Variants in DNAH3 observed in about 807,000 individuals in gnomAD.
DNAH3 encodes the protein axonemal beta dynein heavy chain 3.
DNAH3 carries 332 observed loss-of-function variants against 432.5 expected under a neutral mutation model. The observed-to-expected ratio is 0.77, with a 90% CI of 0.70 to 0.84. The LOEUF is 0.84. Among genes scored for constraint, DNAH3 ranks in the 40% least tolerant of loss-of-function variants. The pLI is 0.00. For synonymous variants in DNAH3, 1,956 were observed against 1,900.2 expected, an observed-to-expected ratio of 1.03 and a Z score of -0.76; for missense variants, 4,861 against 5,114.0, an observed-to-expected ratio of 0.95 and a Z score of 1.51.
chr16:20,955,839 T>C (rs908293097), intron 54 of DNAH3, among the ~76,000 whole-genome samples: 2 of 152,186 alleles, frequency 1.3e-5, no homozygotes, highest in African/African-American at 4.8e-5. Context: ...GAAACTAGAA[T>C]TGATAATTTT....
chr16:21,048,305 C>T (rs1453378650), intron 31 of DNAH3, among the ~76,000 whole-genome samples: 1 of 152,250 alleles, frequency 6.6e-6, no homozygotes, highest in South Asian at 2.1e-4. Flanking sequence ...TGATCTCAGA[C>T]TGCTGTGCTA....
intron 44 of DNAH3, among the ~76,000 whole-genome samples, chr16:20,988,828 C>G (rs188363995): frequency 1.3e-3 from 190 of 151,886 alleles, no homozygotes; most frequent in South Asian, 2.7e-3. Flanking sequence ...CGAATGTGTT[C>G]GGAGTTTTTT....
intron 12 of DNAH3, among the ~76,000 whole-genome samples, chr16:21,114,088 G>A (rs1425474656): frequency 6.6e-6 from 1 of 152,148 alleles, no homozygotes; most frequent in Non-Finnish European, 1.5e-5. Context: ...ACAATATAAT[G>A]TAAAAATAAA....
At chr16:20,938,121 G>A (rs528266842) in intron 59 of DNAH3, among the ~76,000 whole-genome samples, 3 of 152,308 alleles carry the variant, frequency 2.0e-5, no homozygotes, top group African/African-American at 7.2e-5. Flanking sequence ...GCTGGGTGTG[G>A]GGGCTCACGC....
intron 32 of DNAH3, among the ~76,000 whole-genome samples, chr16:21,041,460 C>T (rs2089438658): frequency 6.6e-6 from 1 of 152,180 alleles, no homozygotes; most frequent in African/African-American, 2.4e-5. Flanking sequence ...CCACTTGAAG[C>T]ATCTCTCTGA....
chr16:21,141,148 A>AC (rs2092712967), intron 4 of DNAH3, 152 bp downstream of exon 5: 2 of 651,732 alleles, frequency 3.1e-6, no homozygotes, highest in Admixed American at 6.4e-5. Flanking sequence ...CAAAAAAAAA[A>AC]ATTTTTTTTT....
At chr16:20,997,541 C>T (rs1278350739) in intron 43 of DNAH3, 79 bp from the exon 44 acceptor site, 3 of 1,495,144 alleles carry the variant, frequency 2.0e-6, no homozygotes, top group Non-Finnish European at 2.7e-6. Flanking sequence ...GATGGCAATT[C>T]CCCTGTAGGG....
chr16:20,937,526 G>A (rs923997014), intron 59 of DNAH3, among the ~76,000 whole-genome samples: 1 of 124,228 alleles, frequency 8.0e-6, no homozygotes, highest in African/African-American at 3.0e-5. Context: ...TGTCAAAGTT[G>A]TTCTTTTTTT....
chr16:21,115,449 G>A (rs1482755827), intron 12 of DNAH3, among the ~76,000 whole-genome samples: 3 of 151,316 alleles, frequency 2.0e-5, no homozygotes, highest in African/African-American at 7.3e-5. Flanking sequence ...GCTCACACCT[G>A]TAATCCCAGC....
chr16:21,050,477 C>T (rs1387810808), intron 29 of DNAH3, among the ~76,000 whole-genome samples: 2 of 152,126 alleles, frequency 1.3e-5, no homozygotes, highest in Admixed American at 1.3e-4. Context: ...CTCACTCTGT[C>T]GCCCAGGCTG....
chr16:20,991,173 T>C (rs2086538920), intron 44 of DNAH3, among the ~76,000 whole-genome samples: 1 of 152,224 alleles, frequency 6.6e-6, no homozygotes, highest in Non-Finnish European at 1.5e-5. Context: ...ATTGCTGTCT[T>C]GCATTTCTTT....
chr16:21,003,333 TGTG>T (rs2087122180), intron 41 of DNAH3, 126 bp from the exon 42 acceptor site: 4 of 630,738 alleles, frequency 6.3e-6, no homozygotes, highest in South Asian at 6.1e-5. Flanking sequence ...CTGGCATAGT[TGTG>T]GTGAAACTTA....
At chr16:21,083,689 A>G (rs1340535265) in intron 19 of DNAH3, among the ~76,000 whole-genome samples, 1 of 146,492 alleles carries the variant, frequency 6.8e-6, no homozygotes, top group Admixed American at 7.1e-5. Flanking sequence ...AGTGCTACAG[A>G]TGGCTCATCC....
chr16:20,994,990 T>C (rs1429815446), intron 44 of DNAH3, among the ~76,000 whole-genome samples: 1 of 152,118 alleles, frequency 6.6e-6, no homozygotes, highest in East Asian at 1.9e-4. Flanking sequence ...GTTGGAGTAT[T>C]GTGGTGCGAT....
At chr16:21,140,922 T>C (rs1378865714) in intron 4 of DNAH3, among the ~76,000 whole-genome samples, 1 of 152,190 alleles carries the variant, frequency 6.6e-6, no homozygotes, top group Non-Finnish European at 1.5e-5. Flanking sequence ...AGTTGGTTTA[T>C]TTTTGTCTAC....
At chr16:21,061,088 C>T (rs2090342816) in intron 25 of DNAH3, among the ~76,000 whole-genome samples, 3 of 152,092 alleles carry the variant, frequency 2.0e-5, no homozygotes. Context: ...ATCCTCCTGC[C>T]TCAGCCTCCC....
At chr16:21,159,455 A>C, upstream of DNAH3, 2 of 1,611,448 alleles carry the variant, frequency 1.2e-6, no homozygotes, top group Non-Finnish European at 1.7e-6. Flanking sequence ...CCAACCAGAG[A>C]TGTGACCCCT....
chr16:21,110,123 C>T (rs1199266378), intron 14 of DNAH3, among the ~76,000 whole-genome samples: 1 of 152,188 alleles, frequency 6.6e-6, no homozygotes, highest in Non-Finnish European at 1.5e-5. Flanking sequence ...CATGGAATAA[C>T]CATTTTCTAA....
At chr16:21,044,956 G>C (rs2089626677) in intron 31 of DNAH3, among the ~76,000 whole-genome samples, 1 of 150,476 alleles carries the variant, frequency 6.6e-6, no homozygotes, top group Non-Finnish European at 1.5e-5. Flanking sequence ...CTTTGGCTCT[G>C]TTTATATGCT....
Sources: gnomAD v4.1 joint callset for allele counts (sites outside exome capture counted in the v4.1 genomes callset) on GRCh38, gnomAD v4.1.1 for gene constraint, MANE v1.5 for transcripts, NCBI Gene and HGNC (gene_info 2026-07-23, HGNC 2026-07-21) for gene names.